CCNY: variants seen among roughly 807,000 people sequenced by gnomAD.
CCNY encodes cyclin Y.
In CCNY, 19 loss-of-function variants were observed where a neutral mutation model predicts 42.8. That is an observed-to-expected ratio of 0.44 (90% confidence interval 0.31 to 0.65). The LOEUF (loss-of-function observed/expected upper bound fraction) is 0.65. Among genes scored for constraint, CCNY ranks in the 30% least tolerant of loss-of-function variants. CCNY has a pLI of 0.07. For synonymous variants in CCNY, 165 were observed against 162.7 expected (o/e 1.01, Z -0.11); for missense variants, 370 against 437.3 (o/e 0.85, Z 1.37).
chr10:35,504,985 G>A (rs1158740081), intron 3 of CCNY, among the ~76,000 whole-genome samples: 1 of 151,642 alleles, frequency 6.6e-6, no homozygotes, highest in Non-Finnish European at 1.5e-5. Context: ...AAAAGGCTGT[G>A]TAAAGGGATT....
Position 35,329,142 on chromosome 10 carries a change from G to A in CCNY, c.-9+78516G>A, listed in dbSNP as rs546481763. On this transcript the variant is annotated intron_variant, in intron 3 of 11. Transcript: ENST00000374706. ...ATGTAAACTTTCTAAGATGTCATAT[G>A]GCAATATTAAGAGATTTAAAAATGT... 3.0e-3 allele frequency among the ~76,000 whole-genome samples: 450 copies of A among 152,274 alleles called. 1 individual carries two copies. Among genetic ancestry groups the A allele is most frequent in the Middle Eastern group, 0.01 (3 of 294 alleles).
intron 3 of CCNY, among the ~76,000 whole-genome samples, chr10:35,282,617 G>A (rs1054861705): frequency 4.6e-5 from 7 of 151,438 alleles, no homozygotes; most frequent in African/African-American, 1.7e-4. Context: ...AAGCTACTTG[G>A]GAGGCTGAGG....
At chr10:35,455,816 T>TTTTTC (rs1839017777) in intron 1 of CCNY, among the ~76,000 whole-genome samples, 1 of 135,586 alleles carries the variant, frequency 7.4e-6, no homozygotes, top group South Asian at 2.4e-4. Context: ...TTTTTTTTTT[T>TTTTTC]TTTTTTTTTA....
intron 3 of CCNY, among the ~76,000 whole-genome samples, chr10:35,290,116 C>T (rs928153894): frequency 6.6e-5 from 10 of 151,926 alleles, no homozygotes; most frequent in Admixed American, 2.0e-4. Context: ...ATCCCAGCTA[C>T]TCGGCGGGCT....
chr10:35,369,970 C>G (rs1462576586), intron 1 of CCNY, among the ~76,000 whole-genome samples: 2 of 152,138 alleles, frequency 1.3e-5, no homozygotes, highest in Non-Finnish European at 2.9e-5. Context: ...TTTAAATATT[C>G]AGGGATCAGA....
At chr10:35,555,641 G>A (rs1425507832) in intron 8 of CCNY, among the ~76,000 whole-genome samples, 1 of 152,196 alleles carries the variant, frequency 6.6e-6, no homozygotes, top group Non-Finnish European at 1.5e-5. Flanking sequence ...CAGGTGACTT[G>A]ACTAGTAAGT....
intron 2 of CCNY, among the ~76,000 whole-genome samples, chr10:35,485,007 C>G (rs183069292): frequency 6.6e-6 from 1 of 152,326 alleles, no homozygotes. Context: ...ATTCCCTTTC[C>G]TCTTCTGGAA....
At chr10:35,290,449 T>C (rs1403775876) in intron 3 of CCNY, among the ~76,000 whole-genome samples, 3 of 152,106 alleles carry the variant, frequency 2.0e-5, no homozygotes, top group Non-Finnish European at 4.4e-5. Context: ...GTGTTAAATT[T>C]TGTTTTTGTG....
intron 8 of CCNY, among the ~76,000 whole-genome samples, chr10:35,555,494 A>G (rs989222130): frequency 3.3e-5 from 5 of 152,234 alleles, no homozygotes; most frequent in Admixed American, 6.5e-5. Flanking sequence ...AGCAGCAGCT[A>G]TCCTATATTG....
intron 1 of CCNY, among the ~76,000 whole-genome samples, chr10:35,400,799 G>A (rs1837627209): frequency 6.6e-6 from 1 of 152,270 alleles, no homozygotes; most frequent in South Asian, 2.1e-4. Context: ...AAGCATTTTG[G>A]AATGGAATGG....
intron 1 of CCNY, among the ~76,000 whole-genome samples, chr10:35,464,491 A>C (rs1839217297): frequency 6.6e-6 from 1 of 151,470 alleles, no homozygotes; most frequent in African/African-American, 2.4e-5. Flanking sequence ...TGGGGATAAA[A>C]ATCCAGACTC....
intron 3 of CCNY, among the ~76,000 whole-genome samples, chr10:35,515,382 A>C (rs1840407489): frequency 6.6e-6 from 1 of 152,206 alleles, no homozygotes; most frequent in African/African-American, 2.4e-5. Context: ...TCTGTTTATA[A>C]CATTGTTTAT....
chr10:35,295,154 A>C (rs1340825196), intron 3 of CCNY, among the ~76,000 whole-genome samples: 1 of 152,102 alleles, frequency 6.6e-6, no homozygotes, highest in Non-Finnish European at 1.5e-5. Context: ...CCCTGTCTCC[A>C]AAAATAAATA....
In CCNY at chr10:35,404,598, C is replaced by T. The variant is rs912735724; in HGVS notation, c.154+67391C>T. 7.9e-5 allele frequency among the ~76,000 whole-genome samples: 12 copies of T among 152,036 alleles called. No individual in the cohort carries two copies. In the East Asian group the frequency reaches 1.9e-3, roughly 25 times the overall value. ...GTCTCCTTATTGATTAAGAAGGGGACGGATTTACCTTCCACTGTAAGAGTT... is the reference window on the plus strand; with the variant it reads ...GTCTCCTTATTGATTAAGAAGGGGATGGATTTACCTTCCACTGTAAGAGTT... On this transcript the variant is annotated intron_variant, in intron 1 of 9. Coordinates refer to ENST00000374704, the MANE Select transcript of CCNY (RefSeq NM_145012.6).
At chr10:35,544,771 T>A (rs1841077645) in intron 7 of CCNY, among the ~76,000 whole-genome samples, 1 of 152,184 alleles carries the variant, frequency 6.6e-6, no homozygotes, top group Middle Eastern at 3.2e-3. Context: ...CTAGGAGCCC[T>A]CCTGAAATGG....
At chr10:35,557,761 T>A (rs904257802) in intron 8 of CCNY, among the ~76,000 whole-genome samples, 1 of 151,904 alleles carries the variant, frequency 6.6e-6, no homozygotes, top group African/African-American at 2.4e-5. Flanking sequence ...ATTTTATATT[T>A]AAAAAAAAGT....
intron 2 of CCNY, 92 bp from the exon 3 acceptor site, chr10:35,501,409 G>A (rs755271169): frequency 1.5e-4 from 151 of 1,030,590 alleles, no homozygotes; most frequent in Middle Eastern, 4.0e-4. Context: ...GTGGAAGGAC[G>A]GGACCACGAC....
intron 1 of CCNY, among the ~76,000 whole-genome samples, chr10:35,353,321 C>T (rs566269007): frequency 1.3e-5 from 2 of 152,168 alleles, no homozygotes; most frequent in South Asian, 2.1e-4. Context: ...ATTAAGAGGA[C>T]GTTTGTTGGA....
At position 35,514,925 on chromosome 10, in the gene CCNY, T is replaced by A. The variant is rs890669759; in HGVS notation, c.265-1598T>A. On this transcript the variant is annotated intron_variant, in intron 3 of 9. Coordinates refer to ENST00000374704, the MANE Select transcript of CCNY (RefSeq NM_145012.6). ...AAATTCCTTAAGCATTTTTAGTTTA[T>A]CACCTATGGTAATAGCTGTTATTAG... 2.0e-5 allele frequency among the ~76,000 whole-genome samples: 3 copies of A among 152,248 alleles called. No individual in the cohort carries two copies. In the South Asian group the frequency reaches 6.2e-4, roughly 32 times the overall value.
Sources: gnomAD v4.1 joint callset for allele counts (sites outside exome capture counted in the v4.1 genomes callset) on GRCh38, gnomAD v4.1.1 for gene constraint, MANE v1.5 for transcripts, NCBI Gene and HGNC (gene_info 2026-07-23, HGNC 2026-07-21) for gene names.